The following KALRN variants were observed in gnomAD, a reference collection of about 807,000 sequenced individuals.
The protein encoded by KALRN is kalirin RhoGEF kinase.
In KALRN, 70 loss-of-function variants were observed where a neutral mutation model predicts 353.7. That is an observed-to-expected ratio of 0.20 (90% CI 0.16 to 0.24). The LOEUF (loss-of-function observed/expected upper bound fraction) is 0.24. KALRN is among the 10% of genes least tolerant of loss of function. The pLI, the probability that KALRN is intolerant of heterozygous loss-of-function variation, is 1.00. For synonymous variants in KALRN, 1,391 were observed against 1,434.8 expected, an observed-to-expected ratio of 0.97 and a Z score of 0.69; for missense variants, 2,791 against 3,756.7, an observed-to-expected ratio of 0.74 and a Z score of 6.72.
chr3:124,210,127 T>G (rs2150494448), intron 1 of KALRN, among the ~76,000 whole-genome samples: 1 of 152,316 alleles, frequency 6.6e-6, no homozygotes, highest in Non-Finnish European at 1.5e-5. Flanking sequence ...CAGTTTTTCC[T>G]CTATAAAATG....
chr3:124,572,705 A>G (rs145860219), intron 34 of KALRN, among the ~76,000 whole-genome samples: 87 of 152,322 alleles, frequency 5.7e-4, no homozygotes, highest in African/African-American at 1.6e-3. Context: ...GCACAGGCTG[A>G]TTGTTTAGGA....
intron 5 of KALRN, among the ~76,000 whole-genome samples, chr3:124,278,128 C>T (rs927391651): frequency 6.6e-6 from 1 of 151,512 alleles, no homozygotes; most frequent in Non-Finnish European, 1.5e-5. Flanking sequence ...TGTGTCTCTA[C>T]TCTTACCCTA....
At chr3:124,041,562 T>C (rs1464337595) in intron 1 of KALRN, among the ~76,000 whole-genome samples, 2 of 152,154 alleles carry the variant, frequency 1.3e-5, no homozygotes, top group Non-Finnish European at 2.9e-5. Context: ...AGGGGACCCC[T>C]TTTTTCTCCT....
At chr3:124,136,630 G>A (rs1363054040) in intron 1 of KALRN, among the ~76,000 whole-genome samples, 2 of 152,110 alleles carry the variant, frequency 1.3e-5, no homozygotes, top group Non-Finnish European at 2.9e-5. Context: ...GAGTTTGTTG[G>A]CCTTTAGGGT....
chr3:124,310,662 A>C (rs545649870), intron 6 of KALRN, among the ~76,000 whole-genome samples: 71 of 152,296 alleles, frequency 4.7e-4, no homozygotes, highest in African/African-American at 1.7e-3. Flanking sequence ...TTTTATGGGG[A>C]AAGAACTGTC....
Position 124,717,269 on chromosome 3 carries a change from G to A in KALRN, c.8299G>A (p.Asp2767Asn). ...LELMDDGRLL[D>N]YLMNHDELME... Reference sequence around the variant, plus strand: ...CAGGATGGATGATGGCCGGCTCTTAGACTACCTTATGAATCATGATGAACT... The same window carrying A: ...CAGGATGGATGATGGCCGGCTCTTAAACTACCTTATGAATCATGATGAACT... Residue 2767 changes from aspartate to asparagine, a missense_variant, in exon 59 of 60, where the codon GAC becomes AAC. Asp to Asn is a conservative substitution (Grantham distance 23, BLOSUM62 1). This residue lies in a region of KALRN where 188 missense variants were observed against 402.9 expected (regional missense o/e 0.47). Transcript: ENST00000682506. The A allele has an allele frequency of 1.9e-6, 3 of 1,607,754 alleles. No homozygotes were observed. In the South Asian group the frequency reaches 3.4e-5, roughly 18 times the overall value.
intron 1 of KALRN, among the ~76,000 whole-genome samples, chr3:124,166,405 A>C (rs2070854825): frequency 1.3e-5 from 2 of 152,186 alleles, no homozygotes; most frequent in Admixed American, 1.3e-4. Flanking sequence ...GTGATGTTTC[A>C]TAGATGTTTC....
intron 10 of KALRN, among the ~76,000 whole-genome samples, chr3:124,382,191 G>A (rs1196083323): frequency 6.6e-6 from 1 of 152,172 alleles, no homozygotes; most frequent in Non-Finnish European, 1.5e-5. Flanking sequence ...GATTAAAGGA[G>A]ATAGCATGCA....
intron 8 of KALRN, among the ~76,000 whole-genome samples, chr3:124,331,474 A>C (rs2080547934): frequency 6.6e-6 from 1 of 152,250 alleles, no homozygotes; most frequent in Non-Finnish European, 1.5e-5. Context: ...ATTTAAAAAA[A>C]TAAAATGAAG....
intron 33 of KALRN, among the ~76,000 whole-genome samples, chr3:124,546,280 C>A (rs1451880720): frequency 8.3e-6 from 1 of 120,080 alleles, no homozygotes; most frequent in Non-Finnish European, 1.7e-5. Flanking sequence ...ATAGTGAGAC[C>A]CCCATCTCTC....
intron 8 of KALRN, among the ~76,000 whole-genome samples, chr3:124,332,379 C>T (rs2080670565): frequency 6.6e-6 from 1 of 152,126 alleles, no homozygotes; most frequent in African/African-American, 2.4e-5. Context: ...AGCACACACA[C>T]CTCATTCCCT....
At chr3:124,425,935 T>C (rs1001797332) in intron 15 of KALRN, among the ~76,000 whole-genome samples, 1 of 152,146 alleles carries the variant, frequency 6.6e-6, no homozygotes, top group South Asian at 2.1e-4. Flanking sequence ...AAAAAAGGAA[T>C]TCTTTTGTGG....
chr3:124,228,414 G>A (rs565226772), intron 2 of KALRN, among the ~76,000 whole-genome samples: 10 of 152,338 alleles, frequency 6.6e-5, no homozygotes, highest in Non-Finnish European at 1.5e-4. Flanking sequence ...TCAGGGACGG[G>A]AGATTTTTAA....
At chr3:124,619,556 T>C (rs528672980) in intron 34 of KALRN, among the ~76,000 whole-genome samples, 5 of 149,880 alleles carry the variant, frequency 3.3e-5, no homozygotes, top group Admixed American at 2.0e-4. Context: ...GGCGTGATCT[T>C]GGCTCACTGC....
chr3:124,508,403 GTT>G, intron 33 of KALRN, among the ~76,000 whole-genome samples: 1 of 152,108 alleles, frequency 6.6e-6, no homozygotes, highest in Non-Finnish European at 1.5e-5. Flanking sequence ...CAATGTGGCT[GTT>G]TTTATATGAC....
chr3:124,132,381 G>A (rs191404352), intron 1 of KALRN, among the ~76,000 whole-genome samples: 488 of 152,294 alleles, frequency 3.2e-3, no homozygotes, highest in Non-Finnish European at 5.4e-3. Flanking sequence ...CCTAGAACCC[G>A]AGCCGGTGAG....
At chr3:124,164,676 TA>T (rs1056855285) in intron 1 of KALRN, 2 of 152,212 alleles carry the variant, frequency 1.3e-5, no homozygotes, top group African/African-American at 4.8e-5. Context: ...TTATATTTGC[TA>T]AAAACTGTAT....
chr3:124,466,034 CTG>C (rs10639598), intron 25 of KALRN, among the ~76,000 whole-genome samples: 19,270 of 147,166 alleles, frequency 0.13, 1,279 homozygotes, highest in African/African-American at 0.17. Context: ...CTCTCTTGCT[CTG>C]TGTGTGTGTG....
At chr3:124,282,388 T>G (rs930981017) in intron 5 of KALRN, among the ~76,000 whole-genome samples, 2 of 151,470 alleles carry the variant, frequency 1.3e-5, no homozygotes, top group Non-Finnish European at 3.0e-5. Flanking sequence ...TCTTTTTTTT[T>G]TTTTTTTGAG....
Sources: gnomAD v4.1 joint callset for allele counts (sites outside exome capture counted in the v4.1 genomes callset) on GRCh38, gnomAD v4.1.1 for gene constraint, gnomAD v4.1.1 regional missense constraint, MANE v1.5 for transcripts, NCBI Gene and HGNC (gene_info 2026-07-23, HGNC 2026-07-21) for gene names.